Variants in SMYD3 observed in about 807,000 individuals in gnomAD.
SMYD3 encodes SET and MYND domain containing 3.
A neutral mutation model predicts 57.7 loss-of-function variants in SMYD3; 36 were observed. That is an observed-to-expected ratio of 0.62 (90% CI 0.48 to 0.82). The LOEUF is 0.82. Among genes scored for constraint, SMYD3 ranks in the 40% least tolerant of loss-of-function variants. The pLI, the probability that SMYD3 is intolerant of heterozygous loss-of-function variation, is 0.00. For synonymous variants in SMYD3, 211 were observed against 195.0 expected (o/e 1.08, Z -0.68); for missense variants, 515 against 538.8 (o/e 0.96, Z 0.44).
intron 5 of SMYD3, among the ~76,000 whole-genome samples, chr1:246,232,947 G>A (rs2063439774): frequency 7.4e-6 from 1 of 135,332 alleles, no homozygotes; most frequent in Non-Finnish European, 1.6e-5. Context: ...ACACAGAGGA[G>A]AAGCACTCCT....
chr1:246,049,234 A>G (rs977209237), intron 5 of SMYD3, among the ~76,000 whole-genome samples: 2 of 152,152 alleles, frequency 1.3e-5, no homozygotes, highest in Non-Finnish European at 2.9e-5. Context: ...CAAGGGGAAG[A>G]CTTATCAAAG....
chr1:246,467,732 G>A (rs998273571), intron 1 of SMYD3, among the ~76,000 whole-genome samples: 3 of 152,130 alleles, frequency 2.0e-5, no homozygotes, highest in Non-Finnish European at 2.9e-5. Flanking sequence ...AAAAATGGAA[G>A]AGGAGGGAAT....
intron 10 of SMYD3, among the ~76,000 whole-genome samples, chr1:245,816,172 A>C (rs1320123930): frequency 6.6e-6 from 1 of 152,196 alleles, no homozygotes; most frequent in Non-Finnish European, 1.5e-5. Flanking sequence ...GCCTTCCTAA[A>C]TATCCCAAGA....
At chr1:246,141,913 T>C (rs6674601) in intron 5 of SMYD3, among the ~76,000 whole-genome samples, 3,757 of 152,326 alleles carry the variant, frequency 0.025, 104 homozygotes, top group African/African-American at 0.067. Flanking sequence ...TCAAATTATG[T>C]TTGGGTTCAT....
intron 5 of SMYD3, among the ~76,000 whole-genome samples, chr1:246,102,553 C>A (rs1406341983): frequency 1.3e-5 from 2 of 152,048 alleles, no homozygotes; most frequent in Non-Finnish European, 2.9e-5. Flanking sequence ...TCCTCTAAAC[C>A]CTACAGTCCC....
intron 5 of SMYD3, among the ~76,000 whole-genome samples, chr1:246,003,575 T>C (rs2059117949): frequency 6.6e-6 from 1 of 152,238 alleles, no homozygotes; most frequent in Non-Finnish European, 1.5e-5. Flanking sequence ...CCACCCCATT[T>C]TGAACGGCTC....
intron 3 of SMYD3, among the ~76,000 whole-genome samples, chr1:246,333,408 A>G (rs1270320403): frequency 6.6e-6 from 1 of 152,226 alleles, no homozygotes; most frequent in Non-Finnish European, 1.5e-5. Flanking sequence ...AAGTGGACCT[A>G]ATTAAAATAA....
chr1:245,876,667 C>T (rs1010794442), intron 8 of SMYD3, among the ~76,000 whole-genome samples: 7 of 152,230 alleles, frequency 4.6e-5, no homozygotes, highest in Non-Finnish European at 5.9e-5. Flanking sequence ...CCTTCAGGTG[C>T]TCTTTAGCTC....
intron 1 of SMYD3, among the ~76,000 whole-genome samples, chr1:246,384,092 T>C (rs1250206645): frequency 2.0e-5 from 3 of 152,200 alleles, no homozygotes; most frequent in Non-Finnish European, 4.4e-5. Flanking sequence ...TTACTATATA[T>C]GTATCTCATA....
intron 5 of SMYD3, among the ~76,000 whole-genome samples, chr1:246,095,668 C>CAG (rs1351872539): frequency 6.6e-6 from 1 of 152,208 alleles, no homozygotes. Flanking sequence ...TGCTTTCTTT[C>CAG]AAAGGAGAAA....
chr1:246,199,614 A>G (rs2062878258), intron 5 of SMYD3, among the ~76,000 whole-genome samples: 1 of 152,208 alleles, frequency 6.6e-6, no homozygotes, highest in South Asian at 2.1e-4. Flanking sequence ...CGTTTGACAC[A>G]TTTCCAATAT....
chr1:245,843,218 G>A (rs2050489579), intron 10 of SMYD3, among the ~76,000 whole-genome samples: 2 of 152,090 alleles, frequency 1.3e-5, no homozygotes, highest in Non-Finnish European at 2.9e-5. Flanking sequence ...CACAGGCCAG[G>A]GATCACACAC....
chr1:246,412,858 C>A (rs79274215), intron 1 of SMYD3, among the ~76,000 whole-genome samples: 545 of 120,246 alleles, frequency 4.5e-3, no homozygotes, highest in African/African-American at 6.3e-3. Flanking sequence ...GACTCCGTCT[C>A]AAAAAAAAAA....
intron 5 of SMYD3, among the ~76,000 whole-genome samples, chr1:246,312,650 G>A (rs1038878641): frequency 1.3e-5 from 2 of 152,094 alleles, no homozygotes; most frequent in African/African-American, 4.8e-5. Flanking sequence ...AGTAAAACCA[G>A]GTCACATAGA....
chr1:246,437,327 A>AG (rs1558464562), intron 1 of SMYD3, among the ~76,000 whole-genome samples: 1 of 152,176 alleles, frequency 6.6e-6, no homozygotes, highest in Non-Finnish European at 1.5e-5. Flanking sequence ...CACAGTTCCC[A>AG]GGGTCTTCAC....
At position 246,202,682 on chromosome 1, in the gene SMYD3, G is replaced by A. The variant is rs1406257859; in HGVS notation, c.531+124519C>T. 3.3e-5 allele frequency among the ~76,000 whole-genome samples: 5 copies of A among 152,182 alleles called. No individual in the cohort carries two copies. The highest frequency in any genetic ancestry group is 7.4e-5 in the Non-Finnish European group (5 of 68,024). On this transcript the variant is annotated intron_variant, in intron 5 of 11. Transcript: ENST00000490107. The surrounding 1 kb of genome is among the most constrained non-coding windows in gnomAD (Gnocchi z 4.1). Reference sequence around the variant, plus strand: ...ACAAGGACTTCCTGGTATCACGCTAGCTAACAAAATATACTCCAAATCCTT... The same window carrying A: ...ACAAGGACTTCCTGGTATCACGCTAACTAACAAAATATACTCCAAATCCTT...
chr1:246,248,636 CTTTTTTTTT>C lies in SMYD3; in HGVS notation c.531+78556_531+78564del, dbSNP rs1178698803. Among the ~76,000 whole-genome samples, 9 of 52,108 alleles carry C rather than the reference CTTTTTTTTT, an allele frequency of 1.7e-4. No individual in the cohort carries two copies. In the South Asian group the frequency reaches 8.2e-3, roughly 47 times the overall value. 34.2% of individuals were successfully genotyped at this position (52,108 alleles called of 152,430 possible). Reference sequence around the variant, plus strand: ...GTTATGCAAAAGCTCTCTGACTTTCCTTTTTTTTTTTTTTTTTTTTTTTGAGATGGAGTC... The same window carrying C: ...GTTATGCAAAAGCTCTCTGACTTTCCTTTTTTTTTTTTTTGAGATGGAGTC... On this transcript the variant is annotated intron_variant, in intron 5 of 11. Coordinates refer to ENST00000490107, the MANE Select transcript of SMYD3 (RefSeq NM_001167740.2).
chr1:245,828,422 A>G (rs967207281), intron 10 of SMYD3, among the ~76,000 whole-genome samples: 12 of 152,232 alleles, frequency 7.9e-5, no homozygotes, highest in African/African-American at 2.9e-4. Flanking sequence ...TTTCCAATAA[A>G]AAGAAAGGAA....
chr1:245,974,431 T>C (rs1334169942), intron 5 of SMYD3, among the ~76,000 whole-genome samples: 2 of 152,206 alleles, frequency 1.3e-5, no homozygotes, highest in Non-Finnish European at 2.9e-5. Context: ...CTATTTCATT[T>C]TTCCCATCTC....
Sources: gnomAD v4.1 joint callset for allele counts (sites outside exome capture counted in the v4.1 genomes callset) on GRCh38, gnomAD v4.1.1 for gene constraint, Gnocchi (gnomAD v3.1) non-coding constraint, MANE v1.5 for transcripts, NCBI Gene and HGNC (gene_info 2026-07-23, HGNC 2026-07-21) for gene names.